The following MAPK10 variants were observed in gnomAD, a reference collection of about 807,000 sequenced individuals.
MAPK10 encodes JNK3 alpha protein kinase.
In MAPK10, 25 loss-of-function variants were observed where a neutral mutation model predicts 59.3. The observed-to-expected ratio is 0.42, with a 90% confidence interval of 0.31 to 0.59. The LOEUF (loss-of-function observed/expected upper bound fraction) is 0.59, where lower values mean the gene tolerates loss of function less well. Among genes scored for constraint, MAPK10 ranks in the 20% least tolerant of loss-of-function variants. The pLI, the probability that MAPK10 is intolerant of heterozygous loss-of-function variation, is 0.15. For missense variants in MAPK10, 351 were observed against 568.9 expected, an observed-to-expected ratio of 0.62 and a Z score of 3.90; for synonymous variants, 190 against 200.5, an observed-to-expected ratio of 0.95 and a Z score of 0.44.
rs71598410 is a variant in MAPK10, at chr4:86,372,520, A to AAAAGAAAGAAAG, written c.-121-17888_-121-17877dup. Among the ~76,000 whole-genome samples, 268 of 90,004 alleles carry AAAAGAAAGAAAG rather than the reference A, an allele frequency of 3.0e-3. 5 individuals are homozygous for AAAAGAAAGAAAG. The highest frequency in any genetic ancestry group is 0.011 in the Middle Eastern group (2 of 190). 59.0% of individuals were successfully genotyped at this position (90,004 alleles called of 152,430 possible). On this transcript the variant is annotated intron_variant, in intron 1 of 13. Coordinates refer to the MAPK10 transcript ENST00000361569. Reference sequence around the variant, plus strand: ...GACAGAGTAAGACTCCATCTCAAACAAAAGAAAGAAAGAAAGAAAGAAAGA... The same window carrying AAAAGAAAGAAAG: ...GACAGAGTAAGACTCCATCTCAAACAAAAGAAAGAAAGAAAGAAAGAAAGAAAGAAAGAAAGA...
In MAPK10 at chr4:86,017,943, G is replaced by A. The variant is rs770555098; in HGVS notation, c.1253-573C>T. On this transcript the variant is annotated intron_variant, in intron 13 of 13. Transcript: ENST00000641462. The surrounding 1 kb of genome is among the most constrained non-coding windows in gnomAD (Gnocchi z 4.4). The stretch of plus-strand genomic sequence containing the variant: ...TCAACATGTTGGCCAGAATGGTCTC[G>A]ATCTCTTGACCTCATGATCCGCCCA... Among the ~76,000 whole-genome samples, 15 of 152,084 alleles carry A rather than the reference G, an allele frequency of 9.9e-5. No homozygotes were observed. Among genetic ancestry groups the A allele is most frequent in the East Asian group, 5.8e-4 (3 of 5,178 alleles).
intron 2 of MAPK10, among the ~76,000 whole-genome samples, chr4:86,333,468 T>TGCTGTCTGCCTTCTCA (rs1385023699): frequency 1.3e-5 from 2 of 152,244 alleles, no homozygotes; most frequent in African/African-American, 2.4e-5. Flanking sequence ...CTCAGCCTAC[T>TGCTGTCTGCCTTCTCA]GCTGTCTGCC....
At chr4:86,160,910 A>C (rs2069394555) in intron 3 of MAPK10, among the ~76,000 whole-genome samples, 1 of 152,016 alleles carries the variant, frequency 6.6e-6, no homozygotes, top group South Asian at 2.1e-4. Flanking sequence ...AAAACTTGAA[A>C]TAGAAGTACT....
At chr4:86,050,361 G>A (rs1044480844) in intron 11 of MAPK10, among the ~76,000 whole-genome samples, 3 of 152,074 alleles carry the variant, frequency 2.0e-5, no homozygotes, top group African/African-American at 2.4e-5. Context: ...CAATGGCAGC[G>A]TACACTTGAA....
At chr4:86,532,960 G>A (rs1306746275) in intron 1 of MAPK10, among the ~76,000 whole-genome samples, 1 of 151,998 alleles carries the variant, frequency 6.6e-6, no homozygotes, top group East Asian at 1.9e-4. Flanking sequence ...CTCTACTAAT[G>A]ACTTTGCATA....
chr4:86,387,273 G>A (rs974895656), intron 1 of MAPK10, among the ~76,000 whole-genome samples: 3 of 152,092 alleles, frequency 2.0e-5, no homozygotes, highest in African/African-American at 7.2e-5. Context: ...AGAGCACAAC[G>A]GAAGCACATT....
At chr4:86,018,655 A>G (rs146491372) in intron 13 of MAPK10, among the ~76,000 whole-genome samples, 15 of 152,280 alleles carry the variant, frequency 9.9e-5, no homozygotes, top group African/African-American at 3.6e-4. Context: ...GAAACAATCC[A>G]TTTACTTTTT....
At chr4:86,059,560 T>G (rs886553478) in intron 11 of MAPK10, among the ~76,000 whole-genome samples, 3 of 152,190 alleles carry the variant, frequency 2.0e-5, no homozygotes, top group African/African-American at 7.2e-5. Context: ...CTGAAGATCA[T>G]GTTGTTTAAT....
At chr4:86,470,861 CAA>C (rs1752597586) in intron 1 of MAPK10, among the ~76,000 whole-genome samples, 1 of 152,004 alleles carries the variant, frequency 6.6e-6, no homozygotes, top group Non-Finnish European at 1.5e-5. Flanking sequence ...TAAACCAAAC[CAA>C]AAGTCAGGTG....
intron 1 of MAPK10, among the ~76,000 whole-genome samples, chr4:86,406,090 G>T (rs1490108014): frequency 6.6e-6 from 1 of 152,174 alleles, no homozygotes; most frequent in Non-Finnish European, 1.5e-5. Flanking sequence ...CCTTTCAGAA[G>T]AATACAGGTA....
Position 86,092,682 on chromosome 4 carries a change from T to C in MAPK10, c.802+5842A>G, listed in dbSNP as rs577577048. On this transcript the variant is annotated intron_variant, in intron 9 of 13. Transcript: ENST00000641462. Reference sequence around the variant, plus strand: ...TAGATTATTTTATGAAATTGTCAGGTATTACAATGAATAGGGACTGTGCAT... The same window carrying C: ...TAGATTATTTTATGAAATTGTCAGGCATTACAATGAATAGGGACTGTGCAT... Among the ~76,000 whole-genome samples, 193 of 152,178 alleles carry C rather than the reference T, an allele frequency of 1.3e-3. 1 individual carries two copies. The highest frequency in any genetic ancestry group is 2.2e-3 in the Non-Finnish European group (149 of 67,978).
chr4:86,029,661 G>A (rs1335768088), intron 12 of MAPK10, among the ~76,000 whole-genome samples: 1 of 151,890 alleles, frequency 6.6e-6, no homozygotes, highest in African/African-American at 2.4e-5. Flanking sequence ...TGAATTCTTT[G>A]GGGGAAGTAC....
intron 2 of MAPK10, among the ~76,000 whole-genome samples, chr4:86,257,077 G>A (rs2093775140): frequency 1.3e-5 from 2 of 151,978 alleles, no homozygotes; most frequent in African/African-American, 4.8e-5. Context: ...CAATTCCTCT[G>A]TCTTTCCTTC....
At chr4:86,278,277 T>C (rs917643743) in intron 2 of MAPK10, among the ~76,000 whole-genome samples, 3 of 152,216 alleles carry the variant, frequency 2.0e-5, no homozygotes, top group African/African-American at 4.8e-5. Flanking sequence ...ACAGAATTTA[T>C]TCTAATTCAC....
chr4:86,240,214 T>C (rs1251870509), intron 2 of MAPK10, among the ~76,000 whole-genome samples: 2 of 152,190 alleles, frequency 1.3e-5, no homozygotes, highest in Non-Finnish European at 2.9e-5. Context: ...TCTGAGAGAC[T>C]GTTTGTTATG....
chr4:86,309,138 A>T (rs936027395), intron 2 of MAPK10, among the ~76,000 whole-genome samples: 3 of 152,192 alleles, frequency 2.0e-5, no homozygotes, highest in African/African-American at 7.2e-5. Flanking sequence ...GCTGGCACTG[A>T]TATCTTGCCC....
Position 86,017,102 on chromosome 4 carries a change from A to C in MAPK10, c.*126T>G. 2 of 1,046,792 alleles carry C rather than the reference A, an allele frequency of 1.9e-6. No individual in the cohort carries two copies. The highest frequency in any genetic ancestry group is 2.8e-6 in the Non-Finnish European group (2 of 719,410). The allele number at this position is 1,046,792 out of a possible 1,614,324, so 64.8% of individuals were successfully genotyped here. ...AAGATTTATTTAATTTTAGGCTTGG[A>C]TTCTCTCCCTTGCTGTTTTCTTGAT... On this transcript the variant is annotated 3_prime_UTR_variant, in exon 14 of 14. Transcript: ENST00000641462. This position sits in a 1 kb window ranked among gnomAD's most constrained non-coding sequence, Gnocchi z 4.4.
At chr4:86,242,864 CT>C (rs904269537) in intron 2 of MAPK10, among the ~76,000 whole-genome samples, 1 of 128,904 alleles carries the variant, frequency 7.8e-6, no homozygotes, top group Non-Finnish European at 1.5e-5. Context: ...CTGGATGCCC[CT>C]CCCCCGGAAG....
At chr4:86,051,554 G>A (rs1290803818) in intron 11 of MAPK10, among the ~76,000 whole-genome samples, 1 of 152,030 alleles carries the variant, frequency 6.6e-6, no homozygotes. Flanking sequence ...TTTCATTTAG[G>A]GATTTTTAAA....
Sources: allele counts gnomAD v4.1 joint callset (sites outside exome capture counted in the v4.1 genomes callset), GRCh38; gene constraint gnomAD v4.1.1; non-coding constraint Gnocchi (gnomAD v3.1); transcripts MANE v1.5; gene names NCBI Gene and HGNC (gene_info 2026-07-23, HGNC 2026-07-21).